ZNF566: variants seen among roughly 807,000 people sequenced by gnomAD.
ZNF566 encodes the protein zinc finger protein 566.
In ZNF566, 27 loss-of-function variants were observed where a neutral mutation model predicts 32.8. That is an observed-to-expected ratio of 0.82 (90% CI 0.61 to 1.14). The LOEUF is 1.14. Ranked by LOEUF, ZNF566 falls within the 50% of genes most tolerant of loss-of-function variation. The pLI, the probability that ZNF566 is intolerant of heterozygous loss-of-function variation, is 0.00. For missense variants in ZNF566, 402 were observed against 490.4 expected (o/e 0.82, Z 1.70); for synonymous variants, 154 against 159.5 (o/e 0.97, Z 0.26).
At chr19:36,487,447 C>T (rs1413262978) in intron 1 of ZNF566, among the ~76,000 whole-genome samples, 4 of 152,154 alleles carry the variant, frequency 2.6e-5, no homozygotes, top group African/African-American at 9.7e-5. Context: ...AAATATCCAT[C>T]AACAATGTAA....
In ZNF566 at chr19:36,469,277, G is replaced by A. The variant is rs148944080; in HGVS notation, c.232+3634C>T. ...TTTGTGGTGGGACGCGGTGGCTTACGCCTGCAATCCCAGAATTTGGGAGGC... is the reference window on the plus strand; with the variant it reads ...TTTGTGGTGGGACGCGGTGGCTTACACCTGCAATCCCAGAATTTGGGAGGC... On this transcript the variant is annotated intron_variant, in intron 4 of 4. Transcript: ENST00000452939. 2.6e-4 allele frequency among the ~76,000 whole-genome samples: 39 copies of A among 152,008 alleles called. 1 individual carries two copies. In the East Asian group the frequency reaches 7.1e-3, roughly 28 times the overall value.
intron 1 of ZNF566, among the ~76,000 whole-genome samples, chr19:36,479,074 AAACT>A (rs1490899569): frequency 6.6e-6 from 1 of 152,200 alleles, no homozygotes; most frequent in East Asian, 1.9e-4. Context: ...AGCATTCATG[AAACT>A]AACAGGCTAA....
chr19:36,453,205 T>G (rs946956820), intron 4 of ZNF566, among the ~76,000 whole-genome samples: 22 of 151,322 alleles, frequency 1.5e-4, no homozygotes, highest in Non-Finnish European at 2.9e-4. Flanking sequence ...GGGGCGCTGG[T>G]GGCTCACATG....
intron 1 of ZNF566, among the ~76,000 whole-genome samples, chr19:36,484,002 A>T (rs1422897154): frequency 1.3e-5 from 2 of 152,180 alleles, no homozygotes; most frequent in Middle Eastern, 3.4e-3. Flanking sequence ...CCTCCTGAGT[A>T]GCTGGGATTA....
rs565999298 is a variant in ZNF566, at chr19:36,462,065, C to T, written c.232+10846G>A. 5.9e-5 allele frequency among the ~76,000 whole-genome samples: 9 copies of T among 151,334 alleles called. No homozygotes were observed. In the South Asian group the frequency reaches 1.0e-3, roughly 18 times the overall value. ...GTGCAATGGCATGATCTCGGCTCAC[C>T]CCAACCTCTGCCTCCCGGGTTCAAG... On this transcript the variant is annotated intron_variant, in intron 4 of 4. Coordinates refer to ENST00000452939, the MANE Select transcript of ZNF566 (RefSeq NM_001145344.1).
chr19:36,455,867 C>G (rs1036586834), intron 4 of ZNF566, among the ~76,000 whole-genome samples: 3 of 151,920 alleles, frequency 2.0e-5, no homozygotes, highest in Middle Eastern at 3.2e-3. Flanking sequence ...GGTGAAACCT[C>G]TCTCTACTAA....
At chr19:36,487,888 A>C (rs2034207375) in intron 1 of ZNF566, among the ~76,000 whole-genome samples, 1 of 125,060 alleles carries the variant, frequency 8.0e-6, no homozygotes. Context: ...CAAGAGCAAG[A>C]CTCTGTCTCA....
chr19:36,489,446 CG>C, intron 1 of ZNF566, 39 bp downstream of exon 1: 1 of 301,222 alleles, frequency 3.3e-6, no homozygotes, highest in Non-Finnish European at 6.5e-6. Flanking sequence ...GCTTGGCCCC[CG>C]GCCCCGCCCT....
At chr19:36,471,541 G>A (rs2033765970) in intron 4 of ZNF566, among the ~76,000 whole-genome samples, 1 of 152,032 alleles carries the variant, frequency 6.6e-6, no homozygotes, top group Admixed American at 6.6e-5. Flanking sequence ...GCTTCTTCAG[G>A]TCTCTGCCCA....
intron 1 of ZNF566, among the ~76,000 whole-genome samples, chr19:36,482,688 T>C (rs1377003691): frequency 2.6e-5 from 4 of 152,212 alleles, no homozygotes; most frequent in Admixed American, 1.3e-4. Context: ...AATTTGCATG[T>C]ATTCTAGGAT....
Position 36,446,640 on chromosome 19 carries a change from G to T in ZNF566, c.*2337C>A, listed in dbSNP as rs1327620196. On this transcript the variant is annotated 3_prime_UTR_variant, in exon 5 of 5. Transcript: ENST00000452939. ...ATGAAGAACTTTATAAAAGACATAA[G>T]CACACAAGAAAAGAAAGTAAACAAA... 1 of 152,176 alleles carries T rather than the reference G, an allele frequency of 6.6e-6. No homozygotes were observed. Among genetic ancestry groups the T allele is most frequent in the Non-Finnish European group, 1.5e-5 (1 of 68,032 alleles). 9.4% of individuals were successfully genotyped at this position (152,176 alleles called of 1,614,324 possible).
chr19:36,449,030 T>G lies in ZNF566; in HGVS notation c.1204A>C (p.Lys402Gln), dbSNP rs771304076. ...AGTTGTGGGTCATAATTAAAGTTCTTTCCACATTCCCTATATTCATAGGGT... is the reference window on the plus strand; with the variant it reads ...AGTTGTGGGTCATAATTAAAGTTCTGTCCACATTCCCTATATTCATAGGGT... ...EKPYEYRECG[K>Q]NFNYDPQLIQ... Residue 402 changes from lysine (K) to glutamine (Q), a missense_variant, in exon 5 of 5, where the codon AAG becomes CAG. Physicochemically the swap from Lys to Gln is moderately conservative, Grantham distance 53. Around this residue, in one of 3 missense-constraint regions of ZNF566, gnomAD observed 47 missense variants for 38.5 expected, o/e 1.22. Coordinates refer to ENST00000452939, the MANE Select transcript of ZNF566 (RefSeq NM_001145344.1). The G allele has an allele frequency of 2.1e-5, 33 of 1,606,686 alleles. No individual in the cohort carries two copies. The highest frequency in any genetic ancestry group is 3.3e-4 in the Middle Eastern group (2 of 6,024).
chr19:36,482,341 G>A lies in ZNF566; in HGVS notation c.-59-5725C>T, dbSNP rs752052071. On this transcript the variant is annotated intron_variant, in intron 1 of 4. Transcript: ENST00000452939. ...AGGATGGTCTTGATCTCCTGACCTC[G>A]TGATTCGCCGGCCTCGGCCTCCCAA... is the stretch of plus-strand genomic sequence containing the variant. Among the ~76,000 whole-genome samples the A allele has an allele frequency of 8.9e-4, 136 of 152,112 alleles. 1 individual carries two copies. The highest frequency in any genetic ancestry group is 1.8e-3 in the Admixed American group (28 of 15,268).
intron 4 of ZNF566, among the ~76,000 whole-genome samples, chr19:36,463,851 G>A (rs891340525): frequency 7.3e-5 from 11 of 151,636 alleles, no homozygotes; most frequent in Admixed American, 3.9e-4. Context: ...TCAGCCTCCC[G>A]AGTAGCTGGG....
At chr19:36,463,686 G>A (rs1230319761) in intron 4 of ZNF566, among the ~76,000 whole-genome samples, 1 of 150,480 alleles carries the variant, frequency 6.6e-6, no homozygotes, top group African/African-American at 2.5e-5. Flanking sequence ...GGGACAACAG[G>A]TGTGCGCCAC....
chr19:36,458,617 C>T (rs776999547), intron 4 of ZNF566, among the ~76,000 whole-genome samples: 1 of 152,156 alleles, frequency 6.6e-6, no homozygotes, highest in Non-Finnish European at 1.5e-5. Flanking sequence ...CATGTAAGTA[C>T]ATACCATTAA....
chr19:36,478,941 CA>C (rs2033961046), intron 1 of ZNF566, among the ~76,000 whole-genome samples: 2 of 152,318 alleles, frequency 1.3e-5, no homozygotes, highest in African/African-American at 4.8e-5. Context: ...CATGTAGACC[CA>C]CATGCTGTCC....
At chr19:36,486,648 G>A (rs1289137638) in intron 1 of ZNF566, among the ~76,000 whole-genome samples, 2 of 143,854 alleles carry the variant, frequency 1.4e-5, no homozygotes, top group Non-Finnish European at 3.0e-5. Context: ...TCCAGCCTGG[G>A]CAGCAAGAGC....
chr19:36,466,147 T>C (rs2033607722), intron 4 of ZNF566, among the ~76,000 whole-genome samples: 1 of 151,898 alleles, frequency 6.6e-6, no homozygotes, highest in South Asian at 2.1e-4. Context: ...TTTATCACAG[T>C]AAAAATTTAG....
Sources: allele counts gnomAD v4.1 joint callset (sites outside exome capture counted in the v4.1 genomes callset), GRCh38; gene constraint gnomAD v4.1.1; regional missense constraint gnomAD v4.1.1; transcripts MANE v1.5; gene names NCBI Gene and HGNC (gene_info 2026-07-23, HGNC 2026-07-21).